The following RIMKLB variants were observed in gnomAD, a reference collection of about 807,000 sequenced individuals.
The protein encoded by RIMKLB is beta-citrylglutamate synthase B.
In RIMKLB, 7 loss-of-function variants were observed where a neutral mutation model predicts 32.0. That is an observed-to-expected ratio of 0.22 (90% CI 0.12 to 0.41). The LOEUF is 0.41. RIMKLB is among the 10% of genes least tolerant of loss of function. The pLI, the probability that RIMKLB is intolerant of heterozygous loss-of-function variation, is 1.00. For synonymous variants in RIMKLB, 172 were observed against 185.1 expected (o/e 0.93, Z 0.57); for missense variants, 289 against 498.7 (o/e 0.58, Z 4.00).
Position 8,702,748 on chromosome 12 carries a change from C to T in RIMKLB, c.-57+4451C>T, listed in dbSNP as rs181407061. ...TGGAGTTCTCAGTTGTTAGTTTATT[C>T]CTTTGACATGTGATTTAGTTAGCCA... is the stretch of plus-strand genomic sequence containing the variant. On this transcript the variant is annotated intron_variant, in intron 1 of 5. Transcript: ENST00000535829. Among the ~76,000 whole-genome samples, 13 of 152,314 alleles carry T rather than the reference C, an allele frequency of 8.5e-5. No individual in the cohort carries two copies. The East Asian group carries it at 2.5e-3, about 29-fold the overall frequency.
rs749208796 is a variant in RIMKLB at position 8,774,804 on chromosome 12, G to A, written c.*1020G>A. 1.0e-6 allele frequency: 1 copy of A among 985,452 alleles called. No individual in the cohort carries two copies. Among genetic ancestry groups the A allele is most frequent in the African/African-American group, 1.7e-5 (1 of 57,214 alleles). The allele number at this position is 985,452 out of a possible 1,614,324, so 61.0% of individuals were successfully genotyped here. On this transcript the variant is annotated 3_prime_UTR_variant, in exon 6 of 6. Coordinates refer to ENST00000535829, the MANE Select transcript of RIMKLB (RefSeq NM_001297776.2). The stretch of plus-strand genomic sequence containing the variant: ...CAAATCAAGAGCCTATGAGTTCTAA[G>A]TATAAAGCTGAAGTGATTTCGAATG...
chr12:8,705,733 A>G (rs749233109), intron 1 of RIMKLB, among the ~76,000 whole-genome samples: 1 of 152,304 alleles, frequency 6.6e-6, no homozygotes, highest in African/African-American at 2.4e-5. Context: ...CTAAGTTCAA[A>G]ATCTGTAGAG....
intron 2 of RIMKLB, among the ~76,000 whole-genome samples, chr12:8,726,945 C>G (rs1025063459): frequency 4.0e-5 from 6 of 151,422 alleles, no homozygotes; most frequent in Non-Finnish European, 8.8e-5. Context: ...TTCTGTTTTC[C>G]CTCCTTTCTT....
At chr12:8,740,462 C>T (rs1356387468) in intron 2 of RIMKLB, among the ~76,000 whole-genome samples, 1 of 152,098 alleles carries the variant, frequency 6.6e-6, no homozygotes, top group Non-Finnish European at 1.5e-5. Flanking sequence ...GTACACTGTA[C>T]CCAGTGTGTA....
In RIMKLB at chr12:8,775,686, ATT is replaced by A. The variant is rs1950686368; in HGVS notation, c.*1904_*1905del. On this transcript the variant is annotated 3_prime_UTR_variant, in exon 6 of 6. Transcript: ENST00000535829. ...CCGTTTTAAAAAGGAATGTAATAAAATTTGTTTTTTCCATAGAATTAAATAAT... is the reference window on the plus strand; with the variant it reads ...CCGTTTTAAAAAGGAATGTAATAAAATGTTTTTTCCATAGAATTAAATAAT... 21 of 985,276 alleles carry A rather than the reference ATT, an allele frequency of 2.1e-5. No homozygotes were observed. The highest frequency in any genetic ancestry group is 4.7e-5 in the South Asian group (1 of 21,282). The allele number at this position is 985,276 out of a possible 1,614,324, so 61.0% of individuals were successfully genotyped here.
chr12:8,694,980 G>C (rs1022506322), upstream of RIMKLB, among the ~76,000 whole-genome samples: 3 of 152,146 alleles, frequency 2.0e-5, no homozygotes, highest in Non-Finnish European at 4.4e-5. Context: ...CATTACATTT[G>C]AGTTACCTCA....
chr12:8,757,097 ATCTTT>A (rs752334628), intron 5 of RIMKLB, among the ~76,000 whole-genome samples: 5 of 152,186 alleles, frequency 3.3e-5, no homozygotes, highest in Non-Finnish European at 7.4e-5. Context: ...GCTAAATGGC[ATCTTT>A]TCTTTTATGA....
intron 2 of RIMKLB, among the ~76,000 whole-genome samples, chr12:8,717,904 A>G (rs1224071176): frequency 2.6e-5 from 4 of 152,062 alleles, no homozygotes; most frequent in Non-Finnish European, 5.9e-5. Context: ...TGAAACATTC[A>G]CCCCAATATA....
intron 2 of RIMKLB, among the ~76,000 whole-genome samples, chr12:8,719,623 C>T (rs1196451972): frequency 1.3e-5 from 2 of 152,226 alleles, no homozygotes; most frequent in South Asian, 2.1e-4. Flanking sequence ...CCCGCCTCGG[C>T]CTACCAAGGT....
chr12:8,749,501 C>T (rs1056318256), intron 2 of RIMKLB, among the ~76,000 whole-genome samples: 9 of 152,232 alleles, frequency 5.9e-5, no homozygotes, highest in Non-Finnish European at 1.0e-4. Flanking sequence ...AGCCACTGCA[C>T]CCGGCCCACT....
intron 2 of RIMKLB, among the ~76,000 whole-genome samples, chr12:8,738,499 G>A (rs1223970046): frequency 6.6e-6 from 1 of 152,108 alleles, no homozygotes; most frequent in African/African-American, 2.4e-5. Flanking sequence ...AATGACCTAT[G>A]TGAAGTCCAT....
chr12:8,691,920 GT>G (rs934172285), intron 1 of RIMKLB, among the ~76,000 whole-genome samples: 3 of 152,020 alleles, frequency 2.0e-5, no homozygotes, highest in African/African-American at 7.2e-5. Flanking sequence ...CCCTTATGTG[GT>G]TTGCATATTA....
At chr12:8,689,681 T>G (rs185798366) in intron 1 of RIMKLB, among the ~76,000 whole-genome samples, 4 of 152,262 alleles carry the variant, frequency 2.6e-5, no homozygotes, top group African/African-American at 9.6e-5. Flanking sequence ...AAATCACTCC[T>G]TTTCAGGTTT....
intron 2 of RIMKLB, among the ~76,000 whole-genome samples, chr12:8,716,795 G>A (rs1047343239): frequency 7.2e-6 from 1 of 139,074 alleles, no homozygotes; most frequent in Non-Finnish European, 1.5e-5. Context: ...GGAGTACAGT[G>A]GTGCGATCTT....
intron 1 of RIMKLB, among the ~76,000 whole-genome samples, chr12:8,711,190 C>T (rs1455205995): frequency 2.0e-5 from 3 of 151,682 alleles, no homozygotes; most frequent in South Asian, 2.1e-4. Flanking sequence ...GCCAAGGTTG[C>T]GCCACTGCAC....
intron 2 of RIMKLB, among the ~76,000 whole-genome samples, chr12:8,735,276 C>A (rs1470675591): frequency 6.6e-6 from 1 of 152,074 alleles, no homozygotes; most frequent in Admixed American, 6.6e-5. Context: ...GTTGCCCAGG[C>A]TGGAATGCAT....
intron 2 of RIMKLB, among the ~76,000 whole-genome samples, chr12:8,749,124 A>G (rs1419317699): frequency 6.6e-6 from 1 of 152,230 alleles, no homozygotes; most frequent in African/African-American, 2.4e-5. Flanking sequence ...AGAATTGCAT[A>G]GGGCACAATA....
At chr12:8,739,093 G>A (rs1198530404) in intron 2 of RIMKLB, among the ~76,000 whole-genome samples, 2 of 152,160 alleles carry the variant, frequency 1.3e-5, no homozygotes, top group Non-Finnish European at 2.9e-5. Flanking sequence ...TTAAATTGAT[G>A]ATCTTAGTTT....
upstream of RIMKLB, among the ~76,000 whole-genome samples, chr12:8,677,275 G>C (rs1428392261): frequency 6.6e-6 from 1 of 152,060 alleles, no homozygotes; most frequent in Non-Finnish European, 1.5e-5. Flanking sequence ...CAGCTAAACT[G>C]GTGCCATGAT....
Sources: allele counts gnomAD v4.1 joint callset (sites outside exome capture counted in the v4.1 genomes callset), GRCh38; gene constraint gnomAD v4.1.1; transcripts MANE v1.5; gene names NCBI Gene and HGNC (gene_info 2026-07-23, HGNC 2026-07-21).